Variants in DHRS7B observed in about 807,000 individuals in gnomAD.
DHRS7B encodes peroxisomal reductase activating PPAR-gamma.
A neutral mutation model predicts 26.4 loss-of-function variants in DHRS7B; 24 were observed. The ratio of observed to expected loss-of-function variants is 0.91; its 90% CI spans 0.66 to 1.28. The LOEUF is 1.28. Ranked by LOEUF, DHRS7B falls within the 50% of genes most tolerant of loss-of-function variation. The probability of loss-of-function intolerance (pLI) is 0.00; values close to 1 mark genes in which losing one functional copy is unlikely to be tolerated. For missense variants in DHRS7B, 368 were observed against 419.4 expected (o/e 0.88, Z 1.07); for synonymous variants, 142 against 166.4 (o/e 0.85, Z 1.13).
chr17:21,162,213 A>C (rs1974015179), intron 1 of DHRS7B, among the ~76,000 whole-genome samples: 1 of 152,200 alleles, frequency 6.6e-6, no homozygotes, highest in Non-Finnish European at 1.5e-5. Context: ...AGCAACATTT[A>C]ATGTTTAATC....
intron 1 of DHRS7B, among the ~76,000 whole-genome samples, chr17:21,146,878 A>G (rs2143965606): frequency 6.6e-6 from 1 of 152,348 alleles, no homozygotes; most frequent in East Asian, 1.9e-4. Context: ...AAGTTTTGCA[A>G]TGATCTACTG....
At chr17:21,142,535 A>C (rs1973540259) in intron 1 of DHRS7B, among the ~76,000 whole-genome samples, 1 of 152,162 alleles carries the variant, frequency 6.6e-6, no homozygotes, top group African/African-American at 2.4e-5. Context: ...AAAGTCCTGA[A>C]GACATGTGCC....
chr17:21,171,982 C>T (rs750055248), intron 1 of DHRS7B, 36 bp from the exon 2 acceptor site: 3 of 1,614,046 alleles, frequency 1.9e-6, no homozygotes, highest in Non-Finnish European at 2.5e-6. Context: ...AACTCTGCTA[C>T]TTTGTCACTG....
intron 1 of DHRS7B, among the ~76,000 whole-genome samples, chr17:21,171,141 G>C (rs190303548): frequency 6.6e-6 from 1 of 152,134 alleles, no homozygotes; most frequent in Non-Finnish European, 1.5e-5. Flanking sequence ...TGCTCACCAC[G>C]GTCCTCACCA....
At chr17:21,161,054 A>G (rs1201360730) in intron 1 of DHRS7B, among the ~76,000 whole-genome samples, 1 of 152,212 alleles carries the variant, frequency 6.6e-6, no homozygotes, top group Non-Finnish European at 1.5e-5. Flanking sequence ...GGGAGGAGGG[A>G]GAGATGAATA....
intron 2 of DHRS7B, among the ~76,000 whole-genome samples, chr17:21,175,549 G>T (rs1294678792): frequency 2.6e-5 from 4 of 152,234 alleles, no homozygotes; most frequent in Non-Finnish European, 5.9e-5. Context: ...CTGGTGTCAG[G>T]TCAGGGTCAG....
In DHRS7B at chr17:21,169,170, G is replaced by T. The variant is rs1034725708; in HGVS notation, c.21-2848G>T. On this transcript the variant is annotated intron_variant, in intron 1 of 6. Coordinates refer to ENST00000395511, the MANE Select transcript of DHRS7B (RefSeq NM_015510.5). Reference sequence around the variant, plus strand: ...GCCTGACTTCTGCCAATGTTGTGGAGTTTTTTCCTATTTGTTAATTTGATT... The same window carrying T: ...GCCTGACTTCTGCCAATGTTGTGGATTTTTTTCCTATTTGTTAATTTGATT... Among the ~76,000 whole-genome samples, 4 of 152,226 alleles carry T rather than the reference G, an allele frequency of 2.6e-5. No individual in the cohort carries two copies. The South Asian group carries it at 8.3e-4, about 32-fold the overall frequency.
intron 1 of DHRS7B, among the ~76,000 whole-genome samples, chr17:21,147,576 C>T (rs1261167844): frequency 2.0e-5 from 3 of 152,176 alleles, no homozygotes; most frequent in Non-Finnish European, 2.9e-5. Context: ...ACTTCCATAT[C>T]CCTTCTGCCT....
intron 1 of DHRS7B, among the ~76,000 whole-genome samples, chr17:21,136,632 A>C (rs1405635787): frequency 1.3e-5 from 2 of 151,302 alleles, no homozygotes; most frequent in Admixed American, 1.3e-4. Context: ...GCTCACTGCA[A>C]CCTCCGCCTC....
intron 1 of DHRS7B, among the ~76,000 whole-genome samples, chr17:21,149,642 A>G (rs4985985): frequency 0.86 from 130,943 of 151,998 alleles, 56,570 homozygotes; most frequent in African/African-American, 0.9. Context: ...GTGTAGAGGG[A>G]GTTTTTTAAA....
At chr17:21,188,061 A>C (rs540499518) in intron 5 of DHRS7B, among the ~76,000 whole-genome samples, 1 of 152,142 alleles carries the variant, frequency 6.6e-6, no homozygotes, top group Non-Finnish European at 1.5e-5. Flanking sequence ...CGTGTTAGCT[A>C]GGATGGTCTC....
At chr17:21,175,394 AC>A (rs1351165350) in intron 2 of DHRS7B, among the ~76,000 whole-genome samples, 1 of 152,130 alleles carries the variant, frequency 6.6e-6, no homozygotes, top group Non-Finnish European at 1.5e-5. Flanking sequence ...TGATCCTCTG[AC>A]CCTGCAGTAT....
At chr17:21,138,179 T>C (rs1239756249) in intron 1 of DHRS7B, among the ~76,000 whole-genome samples, 1 of 143,904 alleles carries the variant, frequency 6.9e-6, no homozygotes, top group Non-Finnish European at 1.5e-5. Flanking sequence ...TGCTTGGACT[T>C]TCTCATTTGT....
intron 1 of DHRS7B, among the ~76,000 whole-genome samples, chr17:21,163,954 G>A (rs1354129743): frequency 6.6e-6 from 1 of 151,390 alleles, no homozygotes; most frequent in African/African-American, 2.4e-5. Flanking sequence ...CTCCTAAAGG[G>A]CTGAAATTAC....
Position 21,188,801 on chromosome 17 carries a change from C to T in DHRS7B, c.710C>T (p.Pro237Leu), listed in dbSNP as rs1974709074. 11 of 1,614,142 alleles carry T rather than the reference C, an allele frequency of 6.8e-6. No individual in the cohort carries two copies. In the East Asian group the frequency reaches 2.5e-4, roughly 36 times the overall value. Residue 237 changes from proline to leucine, a missense_variant, in exon 6 of 7, where the codon CCC becomes CTC. By Grantham distance (98) the Pro-to-Leu change is moderately conservative. Coordinates refer to ENST00000395511, the MANE Select transcript of DHRS7B (RefSeq NM_015510.5). ...GAAATTGAGGTGACCGTCATCAGCC[C>T]CGGCTACATCCACACCAACCTCTCT... ...QYEIEVTVISPGYIHTNLSVN... is the reference protein window; with the variant it reads ...QYEIEVTVISLGYIHTNLSVN...
intron 1 of DHRS7B, among the ~76,000 whole-genome samples, chr17:21,159,726 T>G (rs1178918080): frequency 6.6e-6 from 1 of 151,184 alleles, no homozygotes. Context: ...TTTTTAAAGT[T>G]AGCTAGTCAC....
At chr17:21,146,643 A>G (rs944324084) in intron 1 of DHRS7B, among the ~76,000 whole-genome samples, 7 of 152,230 alleles carry the variant, frequency 4.6e-5, no homozygotes, top group African/African-American at 1.7e-4. Context: ...AAATTTATTT[A>G]TATCTCAGTA....
At chr17:21,136,526 GA>G (rs1973345565) in intron 1 of DHRS7B, among the ~76,000 whole-genome samples, 1 of 145,930 alleles carries the variant, frequency 6.9e-6, no homozygotes. Context: ...AAAAAAAAAA[GA>G]AAAGGTTTTG....
In DHRS7B at chr17:21,184,420, C is replaced by T. The variant is rs768169268; in HGVS notation, c.576C>T (p.Ile192=). Residue 192 remains isoleucine, a synonymous_variant, in exon 5 of 7, where the codon ATC becomes ATT. Coordinates refer to ENST00000395511, the MANE Select transcript of DHRS7B (RefSeq NM_015510.5). Reference sequence around the variant, plus strand: ...GGAGGCAAGGCCACATTGTCGCCATCAGCAGCATCCAGGGCAAGATGAGCA... The same window carrying T: ...GGAGGCAAGGCCACATTGTCGCCATTAGCAGCATCCAGGGCAAGATGAGCA... ...IKRRQGHIVA[I]SSIQGKMSIP... 17 of 1,614,124 alleles carry T rather than the reference C, an allele frequency of 1.1e-5. No individual in the cohort carries two copies. In the South Asian group the frequency reaches 1.8e-4, roughly 17 times the overall value.
Sources: gnomAD v4.1 joint callset for allele counts (sites outside exome capture counted in the v4.1 genomes callset) on GRCh38, gnomAD v4.1.1 for gene constraint, MANE v1.5 for transcripts, NCBI Gene and HGNC (gene_info 2026-07-23, HGNC 2026-07-21) for gene names.